Variants in LRMDA observed in about 807,000 individuals in gnomAD.
LRMDA encodes leucine-rich melanocyte differentiation-associated protein.
LRMDA carries 18 observed loss-of-function variants against 29.8 expected under a neutral mutation model. That is an observed-to-expected ratio of 0.60 (90% confidence interval 0.42 to 0.90). LRMDA has a LOEUF of 0.90. Ranked by LOEUF, LRMDA falls within the 40% of genes least tolerant of loss-of-function variation. LRMDA has a pLI of 0.00. For missense variants in LRMDA, 273 were observed against 273.9 expected (o/e 1.00, Z 0.02); for synonymous variants, 125 against 109.4 (o/e 1.14, Z -0.89).
intron 6 of LRMDA, among the ~76,000 whole-genome samples, chr10:76,476,851 C>T (rs1842678309): frequency 2.6e-5 from 4 of 152,174 alleles, no homozygotes; most frequent in South Asian, 4.1e-4. Flanking sequence ...AATTCAACAG[C>T]CCTTCATGCT....
At chr10:76,179,713 C>T (rs1256012703) in intron 5 of LRMDA, among the ~76,000 whole-genome samples, 2 of 152,142 alleles carry the variant, frequency 1.3e-5, no homozygotes, top group Non-Finnish European at 2.9e-5. Context: ...GAGTTTGACT[C>T]AAGATGAGGA....
In LRMDA at chr10:76,132,101, T is replaced by A. The variant is rs144115418; in HGVS notation, c.516+73318T>A. 5.3e-5 allele frequency among the ~76,000 whole-genome samples: 8 copies of A among 152,298 alleles called. No individual in the cohort carries two copies. The East Asian group carries it at 1.5e-3, about 29-fold the overall frequency. ...TAAGTCTTCCACTTGTGAGGTTGGTTAAGAGGAGTGTGAGGTTAGATTTGC... is the reference window on the plus strand; with the variant it reads ...TAAGTCTTCCACTTGTGAGGTTGGTAAAGAGGAGTGTGAGGTTAGATTTGC... On this transcript the variant is annotated intron_variant, in intron 5 of 6. Transcript: ENST00000611255.
chr10:76,359,574 A>G (rs1440099397), intron 6 of LRMDA, among the ~76,000 whole-genome samples: 1 of 152,196 alleles, frequency 6.6e-6, no homozygotes, highest in Non-Finnish European at 1.5e-5. Context: ...AAGGAGATGC[A>G]CTAAGATGCT....
chr10:75,907,256 T>C (rs1426966898), intron 2 of LRMDA, among the ~76,000 whole-genome samples: 2 of 152,210 alleles, frequency 1.3e-5, no homozygotes, highest in African/African-American at 4.8e-5. Context: ...AGGTTTAGTG[T>C]ATATAAAATT....
chr10:75,461,547 T>C (rs559612708), intron 2 of LRMDA, among the ~76,000 whole-genome samples: 3 of 152,244 alleles, frequency 2.0e-5, no homozygotes, highest in South Asian at 4.1e-4. Context: ...ATCACCCCTA[T>C]TGGATTCTTC....
chr10:76,145,874 G>C (rs560606214), intron 5 of LRMDA, among the ~76,000 whole-genome samples: 1 of 151,098 alleles, frequency 6.6e-6, no homozygotes. Context: ...GTGTCCCAGA[G>C]ATTCTGGTAT....
intron 2 of LRMDA, among the ~76,000 whole-genome samples, chr10:75,532,905 G>A (rs1462225267): frequency 6.6e-6 from 1 of 152,114 alleles, no homozygotes; most frequent in Non-Finnish European, 1.5e-5. Flanking sequence ...CTGGTTTTGG[G>A]CACTGTAAGC....
intron 2 of LRMDA, among the ~76,000 whole-genome samples, chr10:75,962,210 C>A (rs771039291): frequency 2.6e-5 from 4 of 152,210 alleles, no homozygotes; most frequent in Non-Finnish European, 4.4e-5. Flanking sequence ...ACCCACTAGG[C>A]ACTAGGGAGT....
intron 5 of LRMDA, among the ~76,000 whole-genome samples, chr10:76,253,416 T>C (rs35738187): frequency 0.03 from 4,584 of 152,154 alleles, 98 homozygotes; most frequent in Non-Finnish European, 0.045. Flanking sequence ...ATTTATAATG[T>C]TTATGGTCTC....
chr10:75,754,136 C>T (rs954599132), intron 2 of LRMDA, among the ~76,000 whole-genome samples: 11 of 152,294 alleles, frequency 7.2e-5, no homozygotes, highest in African/African-American at 2.6e-4. Flanking sequence ...TCCTTCCATG[C>T]CTTTGGTTAG....
chr10:76,399,264 C>G (rs890937419), intron 6 of LRMDA, among the ~76,000 whole-genome samples: 1 of 152,204 alleles, frequency 6.6e-6, no homozygotes, highest in African/African-American at 2.4e-5. Flanking sequence ...TTGCCTGCAT[C>G]TAGACCTCTC....
At chr10:75,851,412 T>TC (rs1006393715) in intron 2 of LRMDA, among the ~76,000 whole-genome samples, 4 of 152,182 alleles carry the variant, frequency 2.6e-5, no homozygotes, top group African/African-American at 7.2e-5. Flanking sequence ...TTTCTTTTTT[T>TC]CCTCTTCTTT....
intron 6 of LRMDA, among the ~76,000 whole-genome samples, chr10:76,388,673 G>A (rs975952806): frequency 1.3e-5 from 2 of 152,294 alleles, no homozygotes; most frequent in Middle Eastern, 3.4e-3. Context: ...CAAGGGAAGG[G>A]GACACGGATA....
At chr10:76,094,381 A>T (rs1324307893) in intron 5 of LRMDA, among the ~76,000 whole-genome samples, 1 of 152,160 alleles carries the variant, frequency 6.6e-6, no homozygotes, top group Non-Finnish European at 1.5e-5. Context: ...TATATGTGAA[A>T]GATATATATT....
intron 6 of LRMDA, among the ~76,000 whole-genome samples, chr10:76,409,959 C>A (rs1259214289): frequency 6.6e-6 from 1 of 152,100 alleles, no homozygotes; most frequent in Non-Finnish European, 1.5e-5. Flanking sequence ...AATGTAGAAT[C>A]CAATTTTAAG....
intron 5 of LRMDA, among the ~76,000 whole-genome samples, chr10:76,148,051 G>C (rs1023507865): frequency 1.3e-5 from 2 of 152,180 alleles, no homozygotes; most frequent in African/African-American, 4.8e-5. Flanking sequence ...TGGAAGTTTT[G>C]TCTCAGAGGA....
At chr10:76,233,846 A>G (rs1411216191) in intron 5 of LRMDA, among the ~76,000 whole-genome samples, 3 of 152,186 alleles carry the variant, frequency 2.0e-5, no homozygotes, top group South Asian at 2.1e-4. Flanking sequence ...TTCTCTTGCT[A>G]TTTCTACCAC....
intron 5 of LRMDA, among the ~76,000 whole-genome samples, chr10:76,320,193 T>C (rs1156382556): frequency 6.6e-6 from 1 of 152,230 alleles, no homozygotes; most frequent in Non-Finnish European, 1.5e-5. Context: ...TCTACCTTCC[T>C]TCTTTCCATT....
chr10:76,148,969 C>G (rs1164482540), intron 5 of LRMDA, among the ~76,000 whole-genome samples: 1 of 150,030 alleles, frequency 6.7e-6, no homozygotes, highest in Non-Finnish European at 1.5e-5. Context: ...CTAGAAAATA[C>G]CAATCTGTTT....
Sources: gnomAD v4.1 joint callset for allele counts (sites outside exome capture counted in the v4.1 genomes callset) on GRCh38, gnomAD v4.1.1 for gene constraint, MANE v1.5 for transcripts, NCBI Gene and HGNC (gene_info 2026-07-23, HGNC 2026-07-21) for gene names.